BCL2: variants seen among roughly 807,000 people sequenced by gnomAD.
BCL2 encodes the protein apoptosis regulator Bcl-2.
A neutral mutation model predicts 14.2 loss-of-function variants in BCL2; 1 was observed. The ratio of observed to expected loss-of-function variants is 0.07; its 90% CI spans 0.02 to 0.33. BCL2 has a LOEUF of 0.33. Ranked by LOEUF, BCL2 falls within the 10% of genes least tolerant of loss-of-function variation. The pLI, the probability that BCL2 is intolerant of heterozygous loss-of-function variation, is 0.99. For missense variants in BCL2, 247 were observed against 305.9 expected (o/e 0.81, Z 1.44); for synonymous variants, 151 against 137.2 (o/e 1.10, Z -0.70).
At chr18:63,273,729 T>C (rs1430228819) in intron 2 of BCL2, among the ~76,000 whole-genome samples, 1 of 152,136 alleles carries the variant, frequency 6.6e-6, no homozygotes, top group African/African-American at 2.4e-5. Context: ...GCTACACCCC[T>C]GACCACCCAC....
chr18:63,241,518 G>A (rs1568244007), intron 2 of BCL2, among the ~76,000 whole-genome samples: 1 of 152,164 alleles, frequency 6.6e-6, no homozygotes, highest in Non-Finnish European at 1.5e-5. Flanking sequence ...TGAGTGAAAG[G>A]TCTGGTGCTA....
intron 2 of BCL2, among the ~76,000 whole-genome samples, chr18:63,173,617 C>T (rs1450666103): frequency 6.6e-6 from 1 of 152,122 alleles, no homozygotes; most frequent in African/African-American, 2.4e-5. Context: ...AGAAAAAAGC[C>T]CATCTCTCTC....
chr18:63,305,800 G>A (rs1913110754), intron 2 of BCL2, among the ~76,000 whole-genome samples: 1 of 152,188 alleles, frequency 6.6e-6, no homozygotes, highest in Admixed American at 6.5e-5. Flanking sequence ...GGTCAGGTGA[G>A]GTGACCCATG....
At chr18:63,294,010 T>C (rs1225312336) in intron 2 of BCL2, among the ~76,000 whole-genome samples, 1 of 152,060 alleles carries the variant, frequency 6.6e-6, no homozygotes, top group Non-Finnish European at 1.5e-5. Flanking sequence ...TGCACTATGC[T>C]TGGAGCTGGC....
chr18:63,236,396 CA>C (rs35195646), intron 2 of BCL2, among the ~76,000 whole-genome samples: 29,923 of 151,618 alleles, frequency 0.2, 3,095 homozygotes, highest in East Asian at 0.26. Context: ...AGGTGCGGGA[CA>C]AAAAGCTGAC....
At chr18:63,242,614 CTTA>C (rs1397910126) in intron 2 of BCL2, among the ~76,000 whole-genome samples, 1 of 152,172 alleles carries the variant, frequency 6.6e-6, no homozygotes, top group African/African-American at 2.4e-5. Context: ...ACCACAATCC[CTTA>C]TTACCAGTCT....
At chr18:63,238,901 G>C (rs1345812287) in intron 2 of BCL2, among the ~76,000 whole-genome samples, 1 of 152,228 alleles carries the variant, frequency 6.6e-6, no homozygotes, top group African/African-American at 2.4e-5. Context: ...AAAGGACCAG[G>C]AAACGCTGGG....
intron 2 of BCL2, among the ~76,000 whole-genome samples, chr18:63,281,968 T>C (rs1488166483): frequency 1.3e-5 from 2 of 152,192 alleles, no homozygotes; most frequent in Admixed American, 6.5e-5. Flanking sequence ...CAGTAAGTTA[T>C]TTCATCTTTC....
chr18:63,205,300 T>C (rs1015008269), intron 2 of BCL2, among the ~76,000 whole-genome samples: 1 of 152,212 alleles, frequency 6.6e-6, no homozygotes, highest in Non-Finnish European at 1.5e-5. Context: ...TGCTAGATTG[T>C]AAGTGCTTTA....
chr18:63,127,048 G>T lies in BCL2; in HGVS notation c.*1577C>A, dbSNP rs1913928208. 2 of 225,340 alleles carry T rather than the reference G, an allele frequency of 8.9e-6. No individual in the cohort carries two copies. The highest frequency in any genetic ancestry group is 4.5e-5 in the African/African-American group (2 of 44,486). The allele number at this position is 225,340 out of a possible 1,614,324, so 14.0% of individuals were successfully genotyped here. ...CCCCACCATTGATTTTTTTTTTAAT[G>T]CCCCAGGATGTACAGATAACCCCCA... On this transcript the variant is annotated 3_prime_UTR_variant, in exon 3 of 3. Coordinates refer to ENST00000333681, the MANE Select transcript of BCL2 (RefSeq NM_000633.3).
intron 2 of BCL2, among the ~76,000 whole-genome samples, chr18:63,180,806 G>A (rs924706146): frequency 3.9e-5 from 6 of 152,156 alleles, no homozygotes; most frequent in Admixed American, 6.5e-5. Flanking sequence ...GGGCTCCTAC[G>A]GTAGCTGCTC....
chr18:63,257,787 G>A (rs1168385373), intron 2 of BCL2, among the ~76,000 whole-genome samples: 1 of 152,220 alleles, frequency 6.6e-6, no homozygotes, highest in Non-Finnish European at 1.5e-5. Flanking sequence ...ATTTGTTTGA[G>A]AAATAAGCAA....
chr18:63,153,926 A>G (rs986966291), intron 2 of BCL2, among the ~76,000 whole-genome samples: 2 of 152,178 alleles, frequency 1.3e-5, no homozygotes, highest in Non-Finnish European at 1.5e-5. Flanking sequence ...GACATTCATG[A>G]AGTCTTCATA....
chr18:63,131,082 A>G (rs780835451), intron 2 of BCL2, among the ~76,000 whole-genome samples: 69 of 152,112 alleles, frequency 4.5e-4, no homozygotes, highest in Non-Finnish European at 8.1e-4. Flanking sequence ...TCAACATCCC[A>G]CAATGCACAG....
At chr18:63,257,273 A>G (rs951952211) in intron 2 of BCL2, among the ~76,000 whole-genome samples, 2 of 152,234 alleles carry the variant, frequency 1.3e-5, no homozygotes, top group African/African-American at 4.8e-5. Flanking sequence ...GTGATCAAAC[A>G]TTTATAAGAC....
intron 2 of BCL2, among the ~76,000 whole-genome samples, chr18:63,259,300 G>A (rs1298830773): frequency 2.0e-5 from 3 of 152,288 alleles, no homozygotes; most frequent in African/African-American, 7.2e-5. Flanking sequence ...CAGCGTGTAA[G>A]TGTCCCAAGC....
At chr18:63,185,513 T>C (rs895027485) in intron 2 of BCL2, among the ~76,000 whole-genome samples, 1 of 152,224 alleles carries the variant, frequency 6.6e-6, no homozygotes, top group Non-Finnish European at 1.5e-5. Context: ...GCTTTCCATA[T>C]GGTATCTCAT....
At chr18:63,214,773 C>T (rs1439604085) in intron 2 of BCL2, among the ~76,000 whole-genome samples, 5 of 151,946 alleles carry the variant, frequency 3.3e-5, no homozygotes, top group South Asian at 2.1e-4. Flanking sequence ...TGGAGTGGCA[C>T]GATCTTGGCT....
intron 2 of BCL2, among the ~76,000 whole-genome samples, chr18:63,212,294 C>T (rs1320040907): frequency 1.3e-5 from 2 of 151,674 alleles, no homozygotes; most frequent in Non-Finnish European, 3.0e-5. Flanking sequence ...TGCCACTGCA[C>T]TCCAGCCTGG....
Sources: gnomAD v4.1 joint callset for allele counts (sites outside exome capture counted in the v4.1 genomes callset) on GRCh38, gnomAD v4.1.1 for gene constraint, MANE v1.5 for transcripts, NCBI Gene and HGNC (gene_info 2026-07-23, HGNC 2026-07-21) for gene names.